DYNC1I1: variants seen among roughly 807,000 people sequenced by gnomAD.
DYNC1I1 encodes dynein cytoplasmic 1 intermediate chain 1, also known as cytoplasmic dynein 1 intermediate chain 1.
In DYNC1I1, 43 loss-of-function variants were observed where a neutral mutation model predicts 86.6. That is an observed-to-expected ratio of 0.50 (90% CI 0.39 to 0.64). The LOEUF is 0.64. DYNC1I1 is among the 30% of genes least tolerant of loss of function. The pLI is 0.00. For missense variants in DYNC1I1, 604 were observed against 788.8 expected (o/e 0.77, Z 2.81); for synonymous variants, 262 against 283.7 (o/e 0.92, Z 0.77).
intron 14 of DYNC1I1, among the ~76,000 whole-genome samples, chr7:96,064,625 AC>A (rs79656757): frequency 0.23 from 35,574 of 151,998 alleles, 4,357 homozygotes; most frequent in East Asian, 0.33. Flanking sequence ...TGCTAGAAGC[AC>A]AATAGTTATC....
intron 16 of DYNC1I1, among the ~76,000 whole-genome samples, chr7:96,103,873 A>C (rs1393612585): frequency 6.6e-6 from 1 of 152,116 alleles, no homozygotes; most frequent in East Asian, 1.9e-4. Context: ...CAGCCTCCCA[A>C]AGTGCTGGGA....
intron 6 of DYNC1I1, among the ~76,000 whole-genome samples, chr7:95,904,770 A>G (rs1791131953): frequency 6.6e-6 from 1 of 152,188 alleles, no homozygotes; most frequent in African/African-American, 2.4e-5. Context: ...GACATCCAAT[A>G]TCTCTGAAAA....
rs1793342228 is a variant in DYNC1I1, at chr7:95,977,620, A to G, written c.580+19A>G. 6.2e-7 allele frequency: 1 copy of G among 1,604,408 alleles called. No individual in the cohort carries two copies. Among genetic ancestry groups the G allele is most frequent in the African/African-American group, 1.3e-5 (1 of 74,518 alleles). ...AAGGAAGGTATGATATGGAAAATAA[A>G]CTGAGTAATCATTTTATTGTTTTGT... On this transcript the variant is annotated intron_variant, in intron 7 of 16. Transcript: ENST00000447467.
chr7:95,797,074 T>A (rs1221185844), intron 1 of DYNC1I1, among the ~76,000 whole-genome samples: 5 of 152,054 alleles, frequency 3.3e-5, no homozygotes, highest in African/African-American at 4.8e-5. Context: ...AGAAAAAAAA[T>A]TAGTTACATT....
At chr7:96,071,080 C>T (rs1213046251) in intron 14 of DYNC1I1, among the ~76,000 whole-genome samples, 3 of 152,042 alleles carry the variant, frequency 2.0e-5, no homozygotes, top group Non-Finnish European at 4.4e-5. Context: ...TATTTTTATT[C>T]CTTCTCTAAT....
intron 14 of DYNC1I1, among the ~76,000 whole-genome samples, chr7:96,064,005 C>T (rs757725227): frequency 3.3e-5 from 5 of 152,094 alleles, no homozygotes; most frequent in Admixed American, 2.6e-4. Context: ...ATGTGGTTAG[C>T]GGGAGAGGTG....
chr7:96,022,086 G>A (rs1049365619), intron 10 of DYNC1I1, among the ~76,000 whole-genome samples: 3 of 152,198 alleles, frequency 2.0e-5, no homozygotes, highest in African/African-American at 7.2e-5. Flanking sequence ...CTGCCAGACT[G>A]TTCTCCAGAG....
chr7:95,798,418 G>C (rs1421614233), intron 1 of DYNC1I1, among the ~76,000 whole-genome samples: 1 of 151,822 alleles, frequency 6.6e-6, no homozygotes, highest in African/African-American at 2.4e-5. Flanking sequence ...AGTGGAAAGA[G>C]GCAGCTGCAT....
At chr7:96,003,657 T>C (rs971577287) in intron 10 of DYNC1I1, among the ~76,000 whole-genome samples, 2 of 152,158 alleles carry the variant, frequency 1.3e-5, no homozygotes, top group African/African-American at 4.8e-5. Flanking sequence ...CTCAGAGATA[T>C]GTGCATGGGG....
At chr7:95,853,232 C>A (rs1789627354) in intron 5 of DYNC1I1, among the ~76,000 whole-genome samples, 2 of 152,114 alleles carry the variant, frequency 1.3e-5, no homozygotes. Context: ...GAAGTGAGAT[C>A]TTTAAGAGGT....
chr7:95,978,058 A>G (rs1400663056), intron 7 of DYNC1I1, among the ~76,000 whole-genome samples: 10 of 152,192 alleles, frequency 6.6e-5, no homozygotes, highest in Non-Finnish European at 1.3e-4. Flanking sequence ...CTCTGCCTGT[A>G]TAAGGAGGAA....
intron 6 of DYNC1I1, among the ~76,000 whole-genome samples, chr7:95,906,716 G>A (rs1791187365): frequency 6.6e-6 from 1 of 151,898 alleles, no homozygotes; most frequent in Non-Finnish European, 1.5e-5. Context: ...AAATCAGGGT[G>A]GAGTACATTT....
chr7:95,931,772 C>G (rs1306938879), intron 6 of DYNC1I1, among the ~76,000 whole-genome samples: 1 of 152,214 alleles, frequency 6.6e-6, no homozygotes, highest in Non-Finnish European at 1.5e-5. Context: ...TGTTTACTGA[C>G]TAGCGCTTTA....
At chr7:96,058,759 T>C (rs1485508482) in intron 14 of DYNC1I1, among the ~76,000 whole-genome samples, 1 of 151,016 alleles carries the variant, frequency 6.6e-6, no homozygotes, top group Non-Finnish European at 1.5e-5. Context: ...CTCAGCCTCC[T>C]GAGGCAGGAA....
chr7:96,076,298 AGACCTTCCAACTGCAGCAGG>A, intron 15 of DYNC1I1, 101 bp downstream of exon 15: 1 of 1,493,140 alleles, frequency 6.7e-7, no homozygotes, highest in Non-Finnish European at 9.0e-7. Flanking sequence ...TTTTTTGGAC[AGACCTTCCAACTGCAGCAGG>A]GCTGCCGGCC....
At chr7:96,058,173 C>T (rs889348508) in intron 14 of DYNC1I1, among the ~76,000 whole-genome samples, 1 of 152,212 alleles carries the variant, frequency 6.6e-6, no homozygotes, top group Admixed American at 6.5e-5. Context: ...ATTGTCTTCT[C>T]TATCCTCGTA....
intron 14 of DYNC1I1, among the ~76,000 whole-genome samples, chr7:96,058,315 G>A (rs917071681): frequency 3.3e-5 from 5 of 152,106 alleles, no homozygotes; most frequent in Non-Finnish European, 2.9e-5. Context: ...AACGTGACAC[G>A]ATCTCTGGTG....
intron 6 of DYNC1I1, among the ~76,000 whole-genome samples, chr7:95,953,271 C>A (rs1792608647): frequency 6.6e-6 from 1 of 151,588 alleles, no homozygotes; most frequent in African/African-American, 2.4e-5. Flanking sequence ...ATTTTAATTA[C>A]TGTAAGCATC....
At chr7:95,905,931 ATC>A (rs1359965993) in intron 6 of DYNC1I1, among the ~76,000 whole-genome samples, 5 of 152,120 alleles carry the variant, frequency 3.3e-5, no homozygotes, top group Admixed American at 2.0e-4. Flanking sequence ...CTATCTTTTT[ATC>A]TCTCTGTGTT....
Sources: gnomAD v4.1 joint callset for allele counts (sites outside exome capture counted in the v4.1 genomes callset) on GRCh38, gnomAD v4.1.1 for gene constraint, MANE v1.5 for transcripts, NCBI Gene and HGNC (gene_info 2026-07-23, HGNC 2026-07-21) for gene names.